KCNMA1: variants seen among roughly 807,000 people sequenced by gnomAD.
KCNMA1 encodes the protein potassium calcium-activated channel subfamily M alpha 1, also known as Calcium-activated potassium channel subunit alpha-1.
A neutral mutation model predicts 140.0 loss-of-function variants in KCNMA1; 29 were observed. The ratio of observed to expected loss-of-function variants is 0.21; its 90% CI spans 0.15 to 0.28. The LOEUF (loss-of-function observed/expected upper bound fraction) is 0.28, where lower values mean the gene tolerates loss of function less well. Ranked by LOEUF, KCNMA1 falls within the 10% of genes least tolerant of loss-of-function variation. KCNMA1 has a pLI of 1.00. For synonymous variants in KCNMA1, 612 were observed against 611.9 expected, an observed-to-expected ratio of 1.00 and a Z score of 0.00; for missense variants, 880 against 1,602.2, an observed-to-expected ratio of 0.55 and a Z score of 7.70.
chr10:77,016,195 T>C (rs1017988436), intron 17 of KCNMA1, among the ~76,000 whole-genome samples: 21 of 152,172 alleles, frequency 1.4e-4, no homozygotes, highest in Admixed American at 2.6e-4. Flanking sequence ...ATCTGATCCC[T>C]GCCTGATGGA....
chr10:76,971,626 C>T (rs1411286527), intron 19 of KCNMA1, among the ~76,000 whole-genome samples: 2 of 152,072 alleles, frequency 1.3e-5, no homozygotes, highest in Non-Finnish European at 2.9e-5. Context: ...CACAGCCGAC[C>T]CCCTGTACCA....
At chr10:77,168,034 T>G (rs752762) in intron 5 of KCNMA1, among the ~76,000 whole-genome samples, 1 of 152,308 alleles carries the variant, frequency 6.6e-6, no homozygotes, top group South Asian at 2.1e-4. Context: ...AGCCTATTTA[T>G]AACATAGGCC....
intron 1 of KCNMA1, among the ~76,000 whole-genome samples, chr10:77,457,357 G>T (rs900262589): frequency 2.0e-5 from 3 of 152,128 alleles, no homozygotes; most frequent in Non-Finnish European, 4.4e-5. Flanking sequence ...TGCATTTGGT[G>T]GCATCTCCAG....
At chr10:77,591,623 G>A (rs2079184783) in intron 1 of KCNMA1, among the ~76,000 whole-genome samples, 1 of 152,158 alleles carries the variant, frequency 6.6e-6, no homozygotes, top group Admixed American at 6.5e-5. Flanking sequence ...AGCAGGCTGT[G>A]GTTTGGGAGC....
In KCNMA1 at chr10:77,428,523, A is replaced by G. The variant is rs367704853; in HGVS notation, c.379-24500T>C. On this transcript the variant is annotated intron_variant, in intron 1 of 27. Transcript: ENST00000286628. ...AAGCCCAGAGAAGGAAGGAAAACTA[A>G]TAAGGAGTGTGTTTTGCAGGCTGAT... Among the ~76,000 whole-genome samples the G allele has an allele frequency of 3.7e-4, 56 of 152,272 alleles. No homozygotes were observed. In the South Asian group the frequency reaches 5.6e-3, roughly 15 times the overall value.
chr10:77,066,565 C>T (rs2095959219), intron 14 of KCNMA1, among the ~76,000 whole-genome samples: 1 of 151,962 alleles, frequency 6.6e-6, no homozygotes, highest in South Asian at 2.1e-4. Flanking sequence ...ATCGGTGACG[C>T]CGGGTTCAGG....
chr10:77,214,437 A>G (rs531260800), intron 3 of KCNMA1, among the ~76,000 whole-genome samples: 10 of 152,034 alleles, frequency 6.6e-5, no homozygotes, highest in Non-Finnish European at 1.3e-4. Flanking sequence ...TTCATTCATA[A>G]CACACCATGC....
At chr10:77,466,144 G>A (rs1350212638) in intron 1 of KCNMA1, among the ~76,000 whole-genome samples, 1 of 152,160 alleles carries the variant, frequency 6.6e-6, no homozygotes, top group African/African-American at 2.4e-5. Flanking sequence ...CCCCTCTGAA[G>A]CCTGGCTGCC....
intron 15 of KCNMA1, among the ~76,000 whole-genome samples, chr10:77,034,799 A>G (rs2094201677): frequency 6.6e-6 from 1 of 152,212 alleles, no homozygotes; most frequent in African/African-American, 2.4e-5. Context: ...AGAGAGACAC[A>G]TACCATATTT....
intron 1 of KCNMA1, among the ~76,000 whole-genome samples, chr10:77,584,681 A>C (rs1398960990): frequency 3.9e-5 from 6 of 152,188 alleles, no homozygotes; most frequent in Admixed American, 3.9e-4. Flanking sequence ...TTTTTAAAGA[A>C]GAACATGCTC....
intron 20 of KCNMA1, among the ~76,000 whole-genome samples, chr10:76,969,522 G>T (rs2153150192): frequency 1.3e-5 from 2 of 152,228 alleles, no homozygotes; most frequent in South Asian, 4.1e-4. Flanking sequence ...TAATCTTCAG[G>T]TTCATTTTTG....
chr10:77,518,473 A>G (rs1314194047), intron 1 of KCNMA1, among the ~76,000 whole-genome samples: 1 of 152,154 alleles, frequency 6.6e-6, no homozygotes, highest in Non-Finnish European at 1.5e-5. Context: ...CAAGTGATAC[A>G]TGAAGTCATG....
At chr10:77,420,410 T>G (rs1311871449) in intron 1 of KCNMA1, among the ~76,000 whole-genome samples, 1 of 152,246 alleles carries the variant, frequency 6.6e-6, no homozygotes, top group Non-Finnish European at 1.5e-5. Context: ...GCCTAAACGC[T>G]GCCTCTGCCA....
chr10:76,952,542 T>C (rs539186846), intron 21 of KCNMA1, among the ~76,000 whole-genome samples: 33 of 152,098 alleles, frequency 2.2e-4, no homozygotes, highest in African/African-American at 7.5e-4. Context: ...ACAAAAAGAA[T>C]GTACATACGT....
intron 1 of KCNMA1, among the ~76,000 whole-genome samples, chr10:77,553,971 C>T (rs816866): frequency 0.29 from 44,249 of 151,446 alleles, 7,277 homozygotes; most frequent in African/African-American, 0.45. Context: ...GAGCAGGGAT[C>T]GACTTTTTTT....
intron 2 of KCNMA1, among the ~76,000 whole-genome samples, chr10:77,269,371 G>C (rs1327607037): frequency 6.6e-6 from 1 of 152,168 alleles, no homozygotes; most frequent in Non-Finnish European, 1.5e-5. Flanking sequence ...CCAAAGGTCT[G>C]ATGAACAGCT....
chr10:76,987,150 G>A (rs1907723), intron 19 of KCNMA1, among the ~76,000 whole-genome samples: 1 of 151,888 alleles, frequency 6.6e-6, no homozygotes, highest in Admixed American at 6.6e-5. Flanking sequence ...GAAACATATT[G>A]TCAACAGAGT....
chr10:77,397,185 G>A (rs193108872), intron 2 of KCNMA1, among the ~76,000 whole-genome samples: 17 of 150,542 alleles, frequency 1.1e-4, no homozygotes, highest in Admixed American at 1.0e-3. Context: ...AGTCTGTAAC[G>A]CTCCTTTACA....
rs576026178 is a variant in KCNMA1, at chr10:76,908,010, A to T, written c.3147+1956T>A. ...TTTGGAATTTTAAAAATGTTATCAG[A>T]GTATTTTGTAGTTCTGAAAAAAAAA... On this transcript the variant is annotated intron_variant, in intron 25 of 27. Transcript: ENST00000286628. Among the ~76,000 whole-genome samples the T allele has an allele frequency of 9.6e-4, 146 of 152,226 alleles. 1 individual carries two copies. Among genetic ancestry groups the T allele is most frequent in the Non-Finnish European group, 1.7e-3 (115 of 68,038 alleles).
Sources: gnomAD v4.1 joint callset for allele counts (sites outside exome capture counted in the v4.1 genomes callset) on GRCh38, gnomAD v4.1.1 for gene constraint, MANE v1.5 for transcripts, NCBI Gene and HGNC (gene_info 2026-07-23, HGNC 2026-07-21) for gene names.